Variants in GNA12 observed in about 807,000 individuals in gnomAD.
GNA12 encodes the protein guanine nucleotide-binding protein subunit alpha-12.
A neutral mutation model predicts 26.0 loss-of-function variants in GNA12; 9 were observed. That is an observed-to-expected ratio of 0.35 (90% CI 0.21 to 0.60). The LOEUF (loss-of-function observed/expected upper bound fraction) is 0.60, where lower values mean the gene tolerates loss of function less well. Ranked by LOEUF, GNA12 falls within the 20% of genes least tolerant of loss-of-function variation. The pLI, the probability that GNA12 is intolerant of heterozygous loss-of-function variation, is 0.78. For missense variants in GNA12, 405 were observed against 525.8 expected (o/e 0.77, Z 2.25); for synonymous variants, 264 against 219.6 (o/e 1.20, Z -1.79).
At chr7:2,799,022 C>G (rs994704169) in intron 1 of GNA12, among the ~76,000 whole-genome samples, 3 of 152,148 alleles carry the variant, frequency 2.0e-5, no homozygotes, top group Non-Finnish European at 2.9e-5. Flanking sequence ...AAAATCAAAT[C>G]AAAATGTAGA....
At chr7:2,766,155 T>C in intron 2 of GNA12, among the ~76,000 whole-genome samples, 1 of 152,114 alleles carries the variant, frequency 6.6e-6, no homozygotes, top group East Asian at 1.9e-4. Context: ...GTAACCAGCA[T>C]TCTACTTTTT....
intron 1 of GNA12, 145 bp downstream of exon 1, chr7:2,843,708 G>GGA (rs984546202): frequency 2.1e-5 from 9 of 432,216 alleles, no homozygotes; most frequent in African/African-American, 1.7e-4. Flanking sequence ...ATGGGTCGGG[G>GGA]GGGAGTGGGG....
chr7:2,779,091 G>A (rs1284266627), intron 2 of GNA12, among the ~76,000 whole-genome samples: 1 of 152,166 alleles, frequency 6.6e-6, no homozygotes, highest in African/African-American at 2.4e-5. Flanking sequence ...GGGCGTGGTG[G>A]CTCCTGCCTG....
chr7:2,780,046 G>GTGTGTATATA (rs1792182944), intron 2 of GNA12, among the ~76,000 whole-genome samples: 1 of 85,824 alleles, frequency 1.2e-5, no homozygotes, highest in African/African-American at 4.5e-5. Flanking sequence ...ACACATTTCT[G>GTGTGTATATA]TGTACATATA....
chr7:2,827,940 A>C (rs1420025192), intron 1 of GNA12, among the ~76,000 whole-genome samples: 1 of 152,160 alleles, frequency 6.6e-6, no homozygotes, highest in African/African-American at 2.4e-5. Context: ...TTAATTAATG[A>C]AAGACTAGAA....
intron 1 of GNA12, among the ~76,000 whole-genome samples, chr7:2,839,772 G>A (rs534895287): frequency 3.0e-4 from 45 of 152,264 alleles, no homozygotes; most frequent in African/African-American, 7.7e-4. Context: ...AGGCCGAGGC[G>A]GGTGGATCAC....
intron 1 of GNA12, among the ~76,000 whole-genome samples, chr7:2,797,313 T>A (rs1792701414): frequency 1.3e-5 from 2 of 152,092 alleles, no homozygotes; most frequent in African/African-American, 4.8e-5. Flanking sequence ...CCCGGCTAAT[T>A]TTAAGATTTT....
At chr7:2,768,962 G>A (rs953428195) in intron 2 of GNA12, among the ~76,000 whole-genome samples, 4 of 152,192 alleles carry the variant, frequency 2.6e-5, no homozygotes, top group Admixed American at 1.3e-4. Flanking sequence ...GTCTCGCTCC[G>A]TTGTCCGGGC....
intron 2 of GNA12, among the ~76,000 whole-genome samples, chr7:2,737,289 G>GTTT (rs11389467): frequency 1.6e-4 from 10 of 62,302 alleles, no homozygotes; most frequent in South Asian, 5.3e-4. Flanking sequence ...TTTTTTTTTT[G>GTTT]TTTTTTTTTT....
At chr7:2,825,401 G>T (rs1410886789) in intron 1 of GNA12, among the ~76,000 whole-genome samples, 1 of 151,986 alleles carries the variant, frequency 6.6e-6, no homozygotes, top group Non-Finnish European at 1.5e-5. Context: ...GGCGGGAAGG[G>T]GCGGACAGAA....
intron 2 of GNA12, among the ~76,000 whole-genome samples, chr7:2,763,902 T>C (rs1791692728): frequency 6.6e-6 from 1 of 152,212 alleles, no homozygotes; most frequent in Admixed American, 6.5e-5. Flanking sequence ...TCAGCTGAGC[T>C]GTTGCTTTAG....
intron 2 of GNA12, among the ~76,000 whole-genome samples, chr7:2,790,601 G>A (rs1792491861): frequency 6.6e-6 from 1 of 152,006 alleles, no homozygotes; most frequent in Admixed American, 6.6e-5. Context: ...GTCACATTCA[G>A]GTCAGGATCC....
At chr7:2,765,917 C>T (rs1181634238) in intron 2 of GNA12, among the ~76,000 whole-genome samples, 1 of 146,896 alleles carries the variant, frequency 6.8e-6, no homozygotes, top group Non-Finnish European at 1.5e-5. Context: ...GCTGGGATTA[C>T]AGGCGCGAGC....
chr7:2,743,542 A>G (rs114441484), intron 2 of GNA12, among the ~76,000 whole-genome samples: 2,224 of 152,320 alleles, frequency 0.015, 69 homozygotes, highest in African/African-American at 0.051. Context: ...ACAAAATCTT[A>G]TCAGAGGTCA....
intron 2 of GNA12, among the ~76,000 whole-genome samples, chr7:2,774,361 G>C (rs1320038775): frequency 6.6e-6 from 1 of 152,216 alleles, no homozygotes; most frequent in Non-Finnish European, 1.5e-5. Flanking sequence ...GTGCGGTTTT[G>C]ACTTTAATCA....
chr7:2,745,232 T>C (rs1030138873), intron 2 of GNA12, among the ~76,000 whole-genome samples: 1 of 151,870 alleles, frequency 6.6e-6, no homozygotes, highest in Non-Finnish European at 1.5e-5. Context: ...TTCACCAAAG[T>C]TGAAATGAAG....
chr7:2,743,614 G>A (rs1562399964), intron 2 of GNA12, among the ~76,000 whole-genome samples: 2 of 152,204 alleles, frequency 1.3e-5, no homozygotes, highest in South Asian at 2.1e-4. Flanking sequence ...CGTGAGCAAT[G>A]CAGAAGACGG....
chr7:2,802,990 G>A (rs979256816), intron 1 of GNA12, among the ~76,000 whole-genome samples: 1 of 152,148 alleles, frequency 6.6e-6, no homozygotes, highest in Admixed American at 6.5e-5. Context: ...ATGCACTGCC[G>A]TACGGGATCA....
rs768023770 is a variant in GNA12 at position 2,840,193 on chromosome 7, G to A, written c.309+3660C>T. ...TAATCACTGAGGGAAAGCTGGCAGA[G>A]GGTATGTGGGATCTCTACTATTTCT... On this transcript the variant is annotated intron_variant, in intron 1 of 3. Transcript: ENST00000275364. Among the ~76,000 whole-genome samples the A allele has an allele frequency of 2.0e-5, 3 of 152,154 alleles. No homozygotes were observed. The East Asian group carries it at 5.8e-4, about 29-fold the overall frequency.
Sources: gnomAD v4.1 joint callset for allele counts (sites outside exome capture counted in the v4.1 genomes callset) on GRCh38, gnomAD v4.1.1 for gene constraint, MANE v1.5 for transcripts, NCBI Gene and HGNC (gene_info 2026-07-23, HGNC 2026-07-21) for gene names.